Variants in LAMB3 observed in about 807,000 individuals in gnomAD.
LAMB3 encodes the protein laminin subunit beta 3, also known as laminin subunit beta-3.
A neutral mutation model predicts 140.3 loss-of-function variants in LAMB3; 104 were observed. The ratio of observed to expected loss-of-function variants is 0.74; its 90% CI spans 0.63 to 0.87. The LOEUF (loss-of-function observed/expected upper bound fraction) is 0.87. Ranked by LOEUF, LAMB3 falls within the 40% of genes least tolerant of loss-of-function variation. The pLI is 0.00. For synonymous variants in LAMB3, 592 were observed against 602.9 expected (o/e 0.98, Z 0.26); for missense variants, 1,531 against 1,575.2 (o/e 0.97, Z 0.47).
Position 209,632,675 on chromosome 1 carries a change from G to A in LAMB3, c.730C>T (p.Leu244Phe), listed in dbSNP as rs763338054. 1.2e-6 allele frequency: 2 copies of A among 1,614,220 alleles called. No homozygotes were observed. The highest frequency in any genetic ancestry group is 2.2e-5 in the South Asian group (2 of 91,090). The change falls in exon 8 of 23, where the codon CTC (leucine) becomes TTC (phenylalanine). Residue 244 changes from leucine (L) to phenylalanine (F), a missense_variant. Leu to Phe is a conservative substitution (Grantham distance 22). Transcript: ENST00000356082. ...PPSAYYAVSQ[L>F]RLQGSCFCHG... ...CAGAAGCAGCTCCCCTGCAGACGGA[G>A]CTGGGACACAGCATAGTAGGCGCTG...
At position 209,615,380 on chromosome 1, in the gene LAMB3, C is replaced by T; in HGVS notation, c.3410G>A (p.Ser1137Asn). The change falls in exon 23 of 23, where the codon AGC (serine) becomes AAC (asparagine). Residue 1137 changes from serine (S) to asparagine (N), a missense_variant. By Grantham distance (46) the Ser-to-Asn change is conservative. Coordinates refer to ENST00000356082, the MANE Select transcript of LAMB3 (RefSeq NM_000228.3). ...CGCTGAGCGCAGCATGATGGCCTGG[C>T]TGCCCCGCAGCAGCTCCAACTCCAT... ...KDMELELLRGSQAIMLRSADL... is the reference protein window; with the variant it reads ...KDMELELLRGNQAIMLRSADL... 2 of 1,609,204 alleles carry T rather than the reference C, an allele frequency of 1.2e-6. No homozygotes were observed. The highest frequency in any genetic ancestry group is 1.7e-6 in the Non-Finnish European group (2 of 1,176,932).
In LAMB3 at chr1:209,634,558, G is replaced by A. The variant is rs369986809; in HGVS notation, c.453C>T (p.Ala151=). 12 of 1,614,008 alleles carry A rather than the reference G, an allele frequency of 7.4e-6. No homozygotes were observed. The African/African-American group carries it at 1.1e-4, about 14-fold the overall frequency. Residue 151 remains alanine (A), a synonymous_variant, in exon 6 of 23, where the codon GCC becomes GCT. Transcript: ENST00000356082. ...KTWRVYQYLA[A]DCTSTFPRVR... ...CCCGAGGGAAGGTGGAGGTGCAGTC[G>A]GCAGCCAGGTACTGGTACACTCGCC...
Position 209,623,035 on chromosome 1 carries a change from C to G in LAMB3, c.2503G>C (p.Val835Leu). The change falls in exon 17 of 23, where the codon GTG (valine) becomes CTG (leucine). Residue 835 changes from valine to leucine, a missense_variant. Physicochemically the swap from Val to Leu is conservative, Grantham distance 32. Coordinates refer to ENST00000356082, the MANE Select transcript of LAMB3 (RefSeq NM_000228.3). This position sits in a 1 kb window ranked among gnomAD's most constrained non-coding sequence, Gnocchi z 4.2. ...AGGAFLMAGQ[V>L]AEQLRGFNAQ... ...TTGAAGCCCCGCAGCTGCTCAGCCA[C>G]CTGCCCCGCCATCAAGAAGGCCCCA... 1 of 1,614,054 alleles carries G rather than the reference C, an allele frequency of 6.2e-7. No individual in the cohort carries two copies. Among genetic ancestry groups the G allele is most frequent in the Non-Finnish European group, 8.5e-7 (1 of 1,180,024 alleles).
intron 3 of LAMB3, among the ~76,000 whole-genome samples, chr1:209,640,864 G>A (rs1267613621): frequency 3.9e-5 from 6 of 152,032 alleles, no homozygotes; most frequent in South Asian, 2.1e-4. Context: ...GGCGGATCAC[G>A]AGGTCAGGAG....
intron 8 of LAMB3, 79 bp from the exon 9 acceptor site, chr1:209,630,814 C>A (rs1320824625): frequency 4.3e-5 from 65 of 1,511,430 alleles, no homozygotes; most frequent in Non-Finnish European, 5.9e-5. Context: ...TGCCCTCTGA[C>A]CCTCTGCGCA....
rs747721994 is a variant in LAMB3, at chr1:209,632,733, C to A, written c.672G>T (p.Leu224=). 6 of 1,614,242 alleles carry A rather than the reference C, an allele frequency of 3.7e-6. No individual in the cohort carries two copies. The highest frequency in any genetic ancestry group is 5.1e-6 in the Non-Finnish European group (6 of 1,180,038). The part of the protein sequence containing the change: ...ITNLRVNFTR[L]APVPQRGYHP... The stretch of plus-strand genomic sequence containing the variant: ...GGTAGCCCCTTTGGGGCACAGGGGC[C>A]AGCCTGGTGAAATTGACTCTCAAGT... The change falls in exon 8 of 23, where the codon CTG becomes CTT. Residue 224 remains leucine (L), a synonymous_variant. Transcript: ENST00000356082.
chr1:209,642,992 C>A (rs1178545113), intron 3 of LAMB3, among the ~76,000 whole-genome samples: 1 of 152,212 alleles, frequency 6.6e-6, no homozygotes, highest in Non-Finnish European at 1.5e-5. Context: ...CATAGGCTTA[C>A]AAACTGCATG....
chr1:209,638,524 A>G lies in LAMB3; in HGVS notation c.298+10T>C. 2 of 1,563,888 alleles carry G rather than the reference A, an allele frequency of 1.3e-6. No homozygotes were observed. The highest frequency in any genetic ancestry group is 2.2e-5 in the South Asian group (2 of 90,282). ...TACAGTTTGAGTTCCCGTAGATGGC[A>G]AATGCTCACCATTCTGTGACTGCCA... On this transcript the variant is annotated intron_variant, in intron 4 of 22. Coordinates refer to ENST00000356082, the MANE Select transcript of LAMB3 (RefSeq NM_000228.3).
At chr1:209,651,884 G>T (rs543434939) in intron 1 of LAMB3, among the ~76,000 whole-genome samples, 5 of 151,778 alleles carry the variant, frequency 3.3e-5, no homozygotes, top group Admixed American at 3.3e-4. Flanking sequence ...GGGGCGGGGG[G>T]GGAAATTGAG....
At chr1:209,627,638 G>T (rs1666517555) in intron 11 of LAMB3, 59 bp from the exon 12 acceptor site, 1 of 1,518,052 alleles carries the variant, frequency 6.6e-7, no homozygotes, top group Middle Eastern at 1.7e-4. Context: ...CACCCCCAGA[G>T]GACACACATC....
Position 209,630,749 on chromosome 1 carries a change from C to T in LAMB3, c.823-14G>A. The T allele has an allele frequency of 6.2e-7, 1 of 1,613,422 alleles. No homozygotes were observed. The highest frequency in any genetic ancestry group is 8.5e-7 in the Non-Finnish European group (1 of 1,179,888). ...GACATCGTGGACCTGGGAGGGGGAC[C>T]GTCAGCCATCAGGAGTAATCAACAA... On this transcript the variant is annotated splice_polypyrimidine_tract_variant and intron_variant, in intron 8 of 22. Transcript: ENST00000356082.
intron 5 of LAMB3, among the ~76,000 whole-genome samples, chr1:209,635,578 T>C (rs752495925): frequency 2.6e-5 from 4 of 152,268 alleles, no homozygotes; most frequent in Non-Finnish European, 5.9e-5. Context: ...AATTTTTGTA[T>C]TTTTAGTAGA....
chr1:209,631,926 G>C (rs1666705969), intron 8 of LAMB3, among the ~76,000 whole-genome samples: 1 of 152,174 alleles, frequency 6.6e-6, no homozygotes, highest in African/African-American at 2.4e-5. Flanking sequence ...TAGGACAGCT[G>C]TCACGCTCCC....
Position 209,634,653 on chromosome 1 carries a change from G to A in LAMB3, c.373-15C>T, listed in dbSNP as rs377371473. The A allele has an allele frequency of 1.4e-4, 232 of 1,606,858 alleles. 1 individual carries two copies. Among genetic ancestry groups the A allele is most frequent in the Non-Finnish European group, 1.3e-4 (148 of 1,175,806 alleles). On this transcript the variant is annotated splice_polypyrimidine_tract_variant and intron_variant, in intron 5 of 22. Transcript: ENST00000356082. ...GGCATGGGCCCCTGTGGAGACAGGG[G>A]CAGTGTGCAGAGGGGAGGCACTGGG...
In LAMB3 at chr1:209,630,793, G is replaced by T. The variant is rs201622238; in HGVS notation, c.823-58C>A. ...TCAACAAAGAAGGGCACCAGGGATG[G>T]ACCTGCCCACTGCCCTCTGACCCTC... On this transcript the variant is annotated intron_variant, in intron 8 of 22. Coordinates refer to ENST00000356082, the MANE Select transcript of LAMB3 (RefSeq NM_000228.3). The T allele has an allele frequency of 1.3e-3, 2,150 of 1,593,316 alleles. 8 individuals are homozygous for T. Among genetic ancestry groups the T allele is most frequent in the South Asian group, 3.4e-3 (311 of 90,398 alleles).
intron 18 of LAMB3, among the ~76,000 whole-genome samples, chr1:209,621,438 C>A (rs936319490): frequency 6.6e-6 from 1 of 152,148 alleles, no homozygotes; most frequent in Non-Finnish European, 1.5e-5. Context: ...GAGGGGACTT[C>A]GGCCTATCTG....
At chr1:209,637,219 G>T in intron 5 of LAMB3, among the ~76,000 whole-genome samples, 1 of 152,168 alleles carries the variant, frequency 6.6e-6, no homozygotes. Context: ...AAGAAATTAG[G>T]TCCTATTACT....
chr1:209,618,849 G>A, intron 18 of LAMB3, 190 bp from the exon 19 acceptor site: 2 of 652,722 alleles, frequency 3.1e-6, no homozygotes, highest in Admixed American at 4.3e-5. Context: ...GAATGCTGTA[G>A]GAGGATGACT....
At position 209,632,574 on chromosome 1, in the gene LAMB3, G is replaced by A. The variant is rs377703356; in HGVS notation, c.822+9C>T. The A allele has an allele frequency of 3.4e-4, 547 of 1,612,214 alleles. 1 individual carries two copies. The highest frequency in any genetic ancestry group is 4.4e-4 in the Non-Finnish European group (521 of 1,178,580). ...CCCTTCCTCTCCCCTTCCCACCCTAGGCTGTTACCTGCACAGCGGTGGAGG... is the reference window on the plus strand; with the variant it reads ...CCCTTCCTCTCCCCTTCCCACCCTAAGCTGTTACCTGCACAGCGGTGGAGG... On this transcript the variant is annotated intron_variant, in intron 8 of 22. Transcript: ENST00000356082.
Sources: gnomAD v4.1 joint callset for allele counts (sites outside exome capture counted in the v4.1 genomes callset) on GRCh38, gnomAD v4.1.1 for gene constraint, Gnocchi (gnomAD v3.1) non-coding constraint, MANE v1.5 for transcripts, NCBI Gene and HGNC (gene_info 2026-07-23, HGNC 2026-07-21) for gene names.